Variants in GNAS-AS1 observed in about 807,000 individuals in gnomAD.
The protein encoded by GNAS-AS1 is GNAS antisense RNA 1.
chr20:58,840,901 G>A lies in GNAS-AS1; in HGVS notation n.819+1036C>T, dbSNP rs1447611329. 3.1e-6 allele frequency: 5 copies of A among 1,611,612 alleles called. No homozygotes were observed. Among genetic ancestry groups the A allele is most frequent in the Non-Finnish European group, 3.4e-6 (4 of 1,179,478 alleles). ...CATGGATTCAGGTTAGTTGCCCACCGCTAAACTGGGGAGCCTGAGGGCGGT... is the reference window on the plus strand; with the variant it reads ...CATGGATTCAGGTTAGTTGCCCACCACTAAACTGGGGAGCCTGAGGGCGGT... On this transcript the variant is annotated intron_variant and non_coding_transcript_variant, in intron 4 of 4. Transcript: ENST00000424094. This position sits in a 1 kb window ranked among gnomAD's most constrained non-coding sequence, Gnocchi z 6.0.
At chr20:58,818,983 T>C (rs1156875454) in exon 5 of GNAS-AS1, 1 of 398,276 alleles carries the variant, frequency 2.5e-6, no homozygotes, top group Non-Finnish European at 4.4e-6. Flanking sequence ...CCATCTCCAA[T>C]TCTAATGGAC....
At chr20:58,838,916 C>CAATAAAAA (rs2085636742) in intron 4 of GNAS-AS1, 1 of 200,360 alleles carries the variant, frequency 5.0e-6, no homozygotes, top group African/African-American at 5.9e-5. Flanking sequence ...GATTCTGTCT[C>CAATAAAAA]AAAAAAAAAA....
chr20:58,831,383 A>T (rs888337270), intron 4 of GNAS-AS1, among the ~76,000 whole-genome samples: 2 of 152,208 alleles, frequency 1.3e-5, no homozygotes, highest in African/African-American at 4.8e-5. Flanking sequence ...AGCAAAATTT[A>T]AAAAACAACA....
intron 4 of GNAS-AS1, among the ~76,000 whole-genome samples, chr20:58,822,763 G>A (rs937608723): frequency 6.6e-6 from 1 of 151,926 alleles, no homozygotes; most frequent in African/African-American, 2.4e-5. Flanking sequence ...TCAGGAAACT[G>A]CCTTGGCAGA....
intron 3 of GNAS-AS1, chr20:58,842,249 T>TA (rs1310466287): frequency 1.8e-5 from 7 of 398,262 alleles, no homozygotes; most frequent in Non-Finnish European, 3.1e-5. Context: ...GAAATGTCTT[T>TA]AAAAAATCTC....
rs2145475534 is a variant in GNAS-AS1 at position 58,841,086 on chromosome 20, A to G, written n.819+851T>C. On this transcript the variant is annotated intron_variant and non_coding_transcript_variant, in intron 4 of 4. Transcript: ENST00000424094. This position sits in a 1 kb window ranked among gnomAD's most constrained non-coding sequence, Gnocchi z 5.0. ...GGATGCCAGGGGCGCCCTGGTGGCC[A>G]AAGGCTTGTTGGACGGCGGGGCGCA... is the stretch of plus-strand genomic sequence containing the variant. Among the ~76,000 whole-genome samples, 1 of 152,142 alleles carries G rather than the reference A, an allele frequency of 6.6e-6. No homozygotes were observed. The highest frequency in any genetic ancestry group is 2.4e-5 in the African/African-American group (1 of 41,524).
At chr20:58,823,977 T>C in intron 4 of GNAS-AS1, 1 of 398,652 alleles carries the variant, frequency 2.5e-6, no homozygotes, top group Middle Eastern at 6.3e-4. Flanking sequence ...AGTACACACC[T>C]ATGCAGCGAG....
chr20:58,839,480 C>T, intron 4 of GNAS-AS1: 2 of 401,748 alleles, frequency 5.0e-6, no homozygotes, highest in Admixed American at 4.2e-5. Context: ...CCCACGGGAG[C>T]CTGCGCCCAC....
intron 4 of GNAS-AS1, among the ~76,000 whole-genome samples, chr20:58,831,504 G>A (rs1343683921): frequency 5.9e-5 from 9 of 152,040 alleles, no homozygotes; most frequent in African/African-American, 1.7e-4. Context: ...GTGAAACCTC[G>A]TCTCTACTAA....
At chr20:58,823,575 T>C (rs977648309) in intron 4 of GNAS-AS1, among the ~76,000 whole-genome samples, 4 of 152,216 alleles carry the variant, frequency 2.6e-5, no homozygotes, top group African/African-American at 9.6e-5. Context: ...TTGCTATTAA[T>C]ACAGTGCAAA....
intron 4 of GNAS-AS1, chr20:58,838,793 TG>T (rs1369794608): frequency 5.1e-6 from 2 of 389,068 alleles, no homozygotes; most frequent in African/African-American, 4.2e-5. Flanking sequence ...GGTGCACGCC[TG>T]TAATCCCAGC....
At chr20:58,847,793 T>C (rs1486804253) in intron 2 of GNAS-AS1, among the ~76,000 whole-genome samples, 2 of 152,242 alleles carry the variant, frequency 1.3e-5, no homozygotes, top group Non-Finnish European at 2.9e-5. Context: ...CTTTGTTGGC[T>C]ACAGGGATAA....
chr20:58,842,558 G>T, intron 2 of GNAS-AS1: 1 of 398,626 alleles, frequency 2.5e-6, no homozygotes, highest in South Asian at 1.3e-4. Context: ...AGTAAATACG[G>T]AGAAACTAGT....
At chr20:58,845,046 G>A (rs906059479) in intron 2 of GNAS-AS1, among the ~76,000 whole-genome samples, 1 of 152,026 alleles carries the variant, frequency 6.6e-6, no homozygotes, top group Non-Finnish European at 1.5e-5. Context: ...GTGTGTGTGT[G>A]TGTTCCCCAC....
intron 4 of GNAS-AS1, among the ~76,000 whole-genome samples, chr20:58,824,569 C>T (rs890230284): frequency 6.6e-5 from 10 of 152,156 alleles, no homozygotes; most frequent in South Asian, 2.1e-4. Flanking sequence ...AGTCCGAATA[C>T]GTACTTTTAA....
At chr20:58,832,605 T>C (rs1568901591) in intron 4 of GNAS-AS1, among the ~76,000 whole-genome samples, 1 of 152,168 alleles carries the variant, frequency 6.6e-6, no homozygotes, top group African/African-American at 2.4e-5. Context: ...GCTAAGATAC[T>C]GGGAAAATGT....
intron 4 of GNAS-AS1, chr20:58,839,009 G>A: frequency 2.5e-6 from 1 of 398,060 alleles, no homozygotes; most frequent in East Asian, 3.6e-5. Flanking sequence ...TGCCCCGCAG[G>A]AGAGAAGTGG....
In GNAS-AS1 at chr20:58,840,700, C is replaced by T; in HGVS notation, n.819+1237G>A. On this transcript the variant is annotated intron_variant and non_coding_transcript_variant, in intron 4 of 4. Coordinates refer to ENST00000424094, the Ensembl canonical transcript of GNAS-AS1. The surrounding 1 kb of genome is among the most constrained non-coding windows in gnomAD (Gnocchi z 6.0). ...AAGGGGAGGAGCTCAAGCCCGAGGA[C>T]AAAGATCCAAGGGACCCCGAAGAGT... 1 of 1,603,962 alleles carries T rather than the reference C, an allele frequency of 6.2e-7. No individual in the cohort carries two copies. The highest frequency in any genetic ancestry group is 1.1e-5 in the South Asian group (1 of 90,992).
chr20:58,849,507 C>A (rs531282693), intron 1 of GNAS-AS1, among the ~76,000 whole-genome samples: 1 of 152,230 alleles, frequency 6.6e-6, no homozygotes, highest in Non-Finnish European at 1.5e-5. Context: ...TTTTTCTGAA[C>A]TTCAGACCTT....
Sources: allele counts gnomAD v4.1 joint callset (sites outside exome capture counted in the v4.1 genomes callset), GRCh38; gene constraint gnomAD v4.1.1; non-coding constraint Gnocchi (gnomAD v3.1); transcripts MANE v1.5; gene names NCBI Gene and HGNC (gene_info 2026-07-23, HGNC 2026-07-21).